Variants in SYNC observed in about 807,000 individuals in gnomAD.
SYNC encodes syncoilin.
In SYNC, 38 loss-of-function variants were observed where a neutral mutation model predicts 49.5. That is an observed-to-expected ratio of 0.77 (90% CI 0.59 to 1.01). The LOEUF (loss-of-function observed/expected upper bound fraction) is 1.01. Ranked by LOEUF, SYNC falls within the 50% of genes least tolerant of loss-of-function variation. The pLI is 0.00. For missense variants in SYNC, 579 were observed against 580.6 expected (o/e 1.00, Z 0.03); for synonymous variants, 201 against 230.8 (o/e 0.87, Z 1.17).
intron 2 of SYNC, among the ~76,000 whole-genome samples, chr1:32,688,498 C>T (rs1650001538): frequency 6.6e-6 from 1 of 152,156 alleles, no homozygotes; most frequent in South Asian, 2.1e-4. Context: ...TTAATTGATG[C>T]CAAGACTGCC....
chr1:32,680,366 T>G lies in SYNC; in HGVS notation c.*1484A>C, dbSNP rs2148536876. On this transcript the variant is annotated 3_prime_UTR_variant, in exon 5 of 5. Transcript: ENST00000409190. ...TTTTTTTTTGTTGTTGGTTTTTTTT[T>G]TTTTTTTTTTAACTTGGGACCACCA... The G allele has an allele frequency of 6.2e-6, 7 of 1,136,758 alleles. No individual in the cohort carries two copies. Among genetic ancestry groups the G allele is most frequent in the Non-Finnish European group, 6.5e-6 (6 of 922,244 alleles). The allele number at this position is 1,136,758 out of a possible 1,614,324, so 70.4% of individuals were successfully genotyped here. A position where few individuals can be genotyped will look rare whatever the true frequency, so the allele number is the denominator to read the frequency against.
At chr1:32,699,379 C>T (rs542200623) in intron 1 of SYNC, among the ~76,000 whole-genome samples, 3 of 150,832 alleles carry the variant, frequency 2.0e-5, no homozygotes, top group Admixed American at 1.3e-4. Context: ...GTCTCAATCT[C>T]CTGACCTCGT....
At chr1:32,699,747 T>C (rs1650594078) in intron 1 of SYNC, among the ~76,000 whole-genome samples, 1 of 151,716 alleles carries the variant, frequency 6.6e-6, no homozygotes, top group Non-Finnish European at 1.5e-5. Flanking sequence ...TTTTTTTCTT[T>C]TTTTGAGCCA....
At chr1:32,699,106 T>C (rs1650564989) in intron 1 of SYNC, among the ~76,000 whole-genome samples, 1 of 149,638 alleles carries the variant, frequency 6.7e-6, no homozygotes. Flanking sequence ...CAGACAGCTC[T>C]TTCCCTCCCC....
Position 32,695,757 on chromosome 1 carries a change from T to C in SYNC, c.341A>G (p.Glu114Gly). 2 of 1,551,606 alleles carry C rather than the reference T, an allele frequency of 1.3e-6. No individual in the cohort carries two copies. Among genetic ancestry groups the C allele is most frequent in the Non-Finnish European group, 1.7e-6 (2 of 1,146,988 alleles). Residue 114 changes from glutamate (E) to glycine (G), a missense_variant, in exon 2 of 5, where the codon GAG becomes GGG. Glu to Gly is a moderately conservative substitution (Grantham distance 98, BLOSUM62 -2). Transcript: ENST00000409190. Reference protein sequence around the residue: ...EETVCVEETTEPDRIQFVEGP... With the variant: ...EETVCVEETTGPDRIQFVEGP... ...CTCCACAAACTGTATCCGATCTGGC[T>C]CCGTGGTTTCCTCCACACACACTGT...
Position 32,695,673 on chromosome 1 carries a change from G to T in SYNC, c.425C>A (p.Thr142Lys). 1 of 1,551,566 alleles carries T rather than the reference G, an allele frequency of 6.4e-7. No homozygotes were observed. Among genetic ancestry groups the T allele is most frequent in the South Asian group, 1.2e-5 (1 of 84,044 alleles). The change falls in exon 2 of 5, where the codon ACA (threonine) becomes AAA (lysine). Residue 142 changes from threonine to lysine, a missense_variant. Coordinates refer to ENST00000409190, the MANE Select transcript of SYNC (RefSeq NM_030786.3). ...SPEHVVYEGE[T>K]VTRAEKSNPE... ...GTTAGATTTCTCCGCCCTTGTGACT[G>T]TCTCTCCCTCATAAACAACGTGCTC...
intron 2 of SYNC, 154 bp from the exon 3 acceptor site, chr1:32,684,536 AGAAGTTGT>A: frequency 8.7e-7 from 1 of 1,143,600 alleles, no homozygotes; most frequent in Non-Finnish European, 1.2e-6. Flanking sequence ...ACAGGTTCAA[AGAAGTTGT>A]GTCTTGGAAA....
At chr1:32,691,266 G>A (rs190809727) in intron 2 of SYNC, among the ~76,000 whole-genome samples, 3 of 150,510 alleles carry the variant, frequency 2.0e-5, no homozygotes, top group African/African-American at 7.3e-5. Flanking sequence ...GTGGCACTGT[G>A]CACCTGTAGT....
At chr1:32,692,681 G>C (rs1046970182) in intron 2 of SYNC, among the ~76,000 whole-genome samples, 1 of 152,096 alleles carries the variant, frequency 6.6e-6, no homozygotes, top group African/African-American at 2.4e-5. Flanking sequence ...AGGAGGCAGA[G>C]GTTGCAGTGA....
chr1:32,687,764 T>C (rs1207076275), intron 2 of SYNC, among the ~76,000 whole-genome samples: 4 of 151,538 alleles, frequency 2.6e-5, no homozygotes, highest in Non-Finnish European at 5.9e-5. Flanking sequence ...AACATGTCTT[T>C]TTGTGTTTCC....
At chr1:32,688,766 C>T (rs1748050) in intron 2 of SYNC, among the ~76,000 whole-genome samples, 126,985 of 151,750 alleles carry the variant, frequency 0.84, 55,278 homozygotes, top group Non-Finnish European at 0.96. Flanking sequence ...GTATTTTTAG[C>T]GAGACAGGGT....
At chr1:32,694,755 A>T in intron 2 of SYNC, 110 bp downstream of exon 2, 3 of 1,159,426 alleles carry the variant, frequency 2.6e-6, no homozygotes, top group Non-Finnish European at 3.6e-6. Flanking sequence ...CAAAGAACAA[A>T]TTTTTCTTCC....
intron 2 of SYNC, among the ~76,000 whole-genome samples, chr1:32,687,414 C>T (rs1302328005): frequency 2.0e-5 from 3 of 149,566 alleles, no homozygotes; most frequent in Non-Finnish European, 3.0e-5. Context: ...CGGTGGTTCA[C>T]GCCTGTAATC....
At position 32,698,257 on chromosome 1, in the gene SYNC, G is replaced by A. The variant is rs1021890328; in HGVS notation, c.54-2213C>T. Among the ~76,000 whole-genome samples the A allele has an allele frequency of 5.4e-5, 8 of 147,934 alleles. No homozygotes were observed. In the East Asian group the frequency reaches 8.0e-4, roughly 15 times the overall value. On this transcript the variant is annotated intron_variant, in intron 1 of 4. Transcript: ENST00000409190. ...AAAAATGCCGGGCGTGGTGGCTCAC[G>A]CCTGTAATCCCAGCACTTTGGGAGG...
rs1217898708 is a variant in SYNC at position 32,684,327 on chromosome 1, A to C, written c.1289T>G (p.Leu430Arg). 7 of 1,614,112 alleles carry C rather than the reference A, an allele frequency of 4.3e-6. No individual in the cohort carries two copies. Among genetic ancestry groups the C allele is most frequent in the Non-Finnish European group, 5.9e-6 (7 of 1,180,020 alleles). ...RQRQLRNGVQ[L>R]QQQKNKEMEQ... ...CATCTCTTTGTTCTTCTGTTGCTGG[A>C]GTTGCACCCCATTTCTTAACTGCCT... is the stretch of plus-strand genomic sequence containing the variant. The change falls in exon 3 of 5, where the codon CTC (leucine) becomes CGC (arginine). Residue 430 changes from leucine to arginine, a missense_variant. Coordinates refer to ENST00000409190, the MANE Select transcript of SYNC (RefSeq NM_030786.3).
In SYNC at chr1:32,680,719, G is replaced by T; in HGVS notation, c.*1131C>A. ...AAACACCAGTCTCTGGCTTCTAGAA[G>T]AGTCCTTCAGATGACAGTTGTTGTC... is the stretch of plus-strand genomic sequence containing the variant. On this transcript the variant is annotated 3_prime_UTR_variant, in exon 5 of 5. Transcript: ENST00000409190. 1 of 580,486 alleles carries T rather than the reference G, an allele frequency of 1.7e-6. No homozygotes were observed. Among genetic ancestry groups the T allele is most frequent in the Non-Finnish European group, 3.0e-6 (1 of 335,016 alleles). The allele number at this position is 580,486 out of a possible 1,614,324, so 36.0% of individuals were successfully genotyped here.
At chr1:32,685,918 ACTTT>A (rs1379998393) in intron 2 of SYNC, 1 of 152,130 alleles carries the variant, frequency 6.6e-6, no homozygotes, top group Non-Finnish European at 1.5e-5. Flanking sequence ...AAGGCTTTCC[ACTTT>A]CTTTAGTGGC....
In SYNC at chr1:32,680,884, C is replaced by CA. The variant is rs1553197484; in HGVS notation, c.*965_*966insT. The CA allele has an allele frequency of 4.0e-6, 1 of 252,286 alleles. No homozygotes were observed. The highest frequency in any genetic ancestry group is 7.5e-6 in the Non-Finnish European group (1 of 133,672). 15.6% of individuals were successfully genotyped at this position (252,286 alleles called of 1,614,324 possible). On this transcript the variant is annotated 3_prime_UTR_variant, in exon 5 of 5. Transcript: ENST00000409190. ...CACAGATTAGTCTTTGATAAGGTAA[C>CA]GTTTCTTTGAAGTCTATCTGTAGAG...
intron 2 of SYNC, among the ~76,000 whole-genome samples, chr1:32,689,756 C>T (rs12123566): frequency 1.3e-5 from 2 of 151,772 alleles, no homozygotes; most frequent in Non-Finnish European, 2.9e-5. Context: ...TCCTGGCCAA[C>T]GTGGTGAAAC....
Sources: gnomAD v4.1 joint callset for allele counts (sites outside exome capture counted in the v4.1 genomes callset) on GRCh38, gnomAD v4.1.1 for gene constraint, MANE v1.5 for transcripts, NCBI Gene and HGNC (gene_info 2026-07-23, HGNC 2026-07-21) for gene names.